Variants in GPR39 observed in about 807,000 individuals in gnomAD.
GPR39 encodes the protein G protein-coupled receptor 39.
GPR39 carries 23 observed loss-of-function variants against 18.4 expected under a neutral mutation model. The ratio of observed to expected loss-of-function variants is 1.25; its 90% confidence interval spans 0.90 to 1.77. The LOEUF (loss-of-function observed/expected upper bound fraction) is 1.77. Ranked by LOEUF, GPR39 falls within the 40% of genes most tolerant of loss-of-function variation. The pLI is 0.00. For missense variants in GPR39, 647 were observed against 602.4 expected, an observed-to-expected ratio of 1.07 and a Z score of -0.78; for synonymous variants, 280 against 257.9, an observed-to-expected ratio of 1.09 and a Z score of -0.82.
intron 1 of GPR39, among the ~76,000 whole-genome samples, chr2:132,601,405 T>C (rs898582526): frequency 2.0e-5 from 3 of 152,222 alleles, no homozygotes; most frequent in Admixed American, 2.0e-4. Flanking sequence ...TTTAACACAA[T>C]TTAACATTCC....
intron 1 of GPR39, among the ~76,000 whole-genome samples, chr2:132,469,899 A>G (rs981078338): frequency 2.6e-5 from 4 of 152,210 alleles, no homozygotes; most frequent in African/African-American, 7.2e-5. Flanking sequence ...TGAGGAAAAC[A>G]CCAACAGGGG....
intron 1 of GPR39, among the ~76,000 whole-genome samples, chr2:132,625,486 T>C (rs542733688): frequency 1.3e-5 from 2 of 152,188 alleles, no homozygotes; most frequent in African/African-American, 4.8e-5. Flanking sequence ...ACTAGACAGA[T>C]TGGCAAACTT....
At chr2:132,593,494 C>G (rs1025810632) in intron 1 of GPR39, among the ~76,000 whole-genome samples, 3 of 152,160 alleles carry the variant, frequency 2.0e-5, no homozygotes, top group Non-Finnish European at 4.4e-5. Context: ...ACATTGCTCT[C>G]TCTTCAGAAA....
At chr2:132,470,640 C>T (rs189665278) in intron 1 of GPR39, among the ~76,000 whole-genome samples, 3 of 151,994 alleles carry the variant, frequency 2.0e-5, no homozygotes, top group East Asian at 1.9e-4. Flanking sequence ...TGAAAATAGA[C>T]GATCCAGTAA....
At chr2:132,493,728 C>T (rs1681579500) in intron 1 of GPR39, among the ~76,000 whole-genome samples, 1 of 151,748 alleles carries the variant, frequency 6.6e-6, no homozygotes, top group African/African-American at 2.4e-5. Flanking sequence ...GTGCCTGCAA[C>T]TCATCCACTT....
chr2:132,438,199 A>G (rs1318953160), intron 1 of GPR39, among the ~76,000 whole-genome samples: 1 of 152,264 alleles, frequency 6.6e-6, no homozygotes, highest in East Asian at 1.9e-4. Context: ...CGCAAGGTCC[A>G]ACCATTCATG....
At chr2:132,563,156 C>T (rs541300385) in intron 1 of GPR39, among the ~76,000 whole-genome samples, 17 of 152,170 alleles carry the variant, frequency 1.1e-4, no homozygotes, top group Non-Finnish European at 2.4e-4. Context: ...TTCATAGGAT[C>T]GCACTTGCTA....
intron 1 of GPR39, among the ~76,000 whole-genome samples, chr2:132,442,417 T>G (rs1318452292): frequency 6.6e-6 from 1 of 152,084 alleles, no homozygotes; most frequent in Non-Finnish European, 1.5e-5. Context: ...GGGGCTCCTT[T>G]CCTGTAAAGA....
Position 132,646,382 on chromosome 2 carries a change from C to CACAGCCCA in GPR39, c.*777_*784dup. On this transcript the variant is annotated 3_prime_UTR_variant, in exon 2 of 2. Transcript: ENST00000329321. Reference sequence around the variant, plus strand: ...ACGGACAGCTCTTCCTTACTCCTCCCACAGCCCAGAGACTAGGTGAGGTCA... The same window carrying CACAGCCCA: ...ACGGACAGCTCTTCCTTACTCCTCCCACAGCCCAACAGCCCAGAGACTAGGTGAGGTCA... The CACAGCCCA allele has an allele frequency of 1.4e-6, 1 of 706,058 alleles. No individual in the cohort carries two copies. The highest frequency in any genetic ancestry group is 4.1e-5 in the Admixed American group (1 of 24,328). The allele number at this position is 706,058 out of a possible 1,614,324, so 43.7% of individuals were successfully genotyped here.
At chr2:132,478,640 T>C (rs1298157482) in intron 1 of GPR39, among the ~76,000 whole-genome samples, 1 of 152,240 alleles carries the variant, frequency 6.6e-6, no homozygotes, top group Non-Finnish European at 1.5e-5. Context: ...CATCTTCCAG[T>C]AAATCTAAAT....
chr2:132,597,910 C>G (rs545997444), intron 1 of GPR39, among the ~76,000 whole-genome samples: 1 of 152,192 alleles, frequency 6.6e-6, no homozygotes, highest in African/African-American at 2.4e-5. Context: ...ATCCCATACC[C>G]AAAGTCTAGT....
At chr2:132,557,080 CCAAGGGGGGGGG>C (rs1680165948) in intron 1 of GPR39, among the ~76,000 whole-genome samples, 1 of 103,720 alleles carries the variant, frequency 9.6e-6, no homozygotes, top group Non-Finnish European at 1.9e-5. Flanking sequence ...CTTTGGGAGG[CCAAGGGGGGGGG>C]CAGATCACTT....
At chr2:132,583,540 G>A (rs1436201828) in intron 1 of GPR39, among the ~76,000 whole-genome samples, 1 of 152,078 alleles carries the variant, frequency 6.6e-6, no homozygotes, top group Admixed American at 6.5e-5. Context: ...GATGGGAGAA[G>A]GGGGAGTCTC....
chr2:132,480,408 T>C (rs1430466870), intron 1 of GPR39, among the ~76,000 whole-genome samples: 4 of 152,152 alleles, frequency 2.6e-5, no homozygotes, highest in Non-Finnish European at 1.5e-5. Context: ...AAATTTTTTA[T>C]TATGTGGGCT....
intron 1 of GPR39, among the ~76,000 whole-genome samples, chr2:132,461,490 A>G (rs1251067912): frequency 1.3e-5 from 2 of 152,258 alleles, no homozygotes; most frequent in Admixed American, 6.5e-5. Flanking sequence ...TTAGAAAACC[A>G]TAAGATCAAG....
At position 132,646,233 on chromosome 2, in the gene GPR39, CGATGA is replaced by C; in HGVS notation, c.*630_*634del. On this transcript the variant is annotated 3_prime_UTR_variant, in exon 2 of 2. Coordinates refer to ENST00000329321, the MANE Select transcript of GPR39 (RefSeq NM_001508.3). Reference sequence around the variant, plus strand: ...CAGAAGGACTGGTACCCGGCAGAGGCGATGAGACAGGCCGCTGATGATGCACAGGA... The same window carrying C: ...CAGAAGGACTGGTACCCGGCAGAGGCGACAGGCCGCTGATGATGCACAGGA... The C allele has an allele frequency of 6.3e-7, 1 of 1,585,340 alleles. No individual in the cohort carries two copies. The highest frequency in any genetic ancestry group is 8.6e-7 in the Non-Finnish European group (1 of 1,163,210).
intron 1 of GPR39, among the ~76,000 whole-genome samples, chr2:132,487,906 A>G (rs971784686): frequency 2.0e-5 from 3 of 152,242 alleles, no homozygotes; most frequent in African/African-American, 7.2e-5. Context: ...AATGAAATTA[A>G]ACAGTTTCAG....
At chr2:132,566,059 C>T in intron 1 of GPR39, among the ~76,000 whole-genome samples, 4 of 123,328 alleles carry the variant, frequency 3.2e-5, no homozygotes, top group Admixed American at 8.8e-5. Flanking sequence ...CTCTCCAGCA[C>T]CTGTTGTTTC....
At chr2:132,615,184 T>C (rs1681313743) in intron 1 of GPR39, among the ~76,000 whole-genome samples, 1 of 152,176 alleles carries the variant, frequency 6.6e-6, no homozygotes, top group Admixed American at 6.5e-5. Context: ...GGGAAGTACC[T>C]ATTTTTCATG....
Sources: allele counts gnomAD v4.1 joint callset (sites outside exome capture counted in the v4.1 genomes callset), GRCh38; gene constraint gnomAD v4.1.1; transcripts MANE v1.5; gene names NCBI Gene and HGNC (gene_info 2026-07-23, HGNC 2026-07-21).